RNF123: variants seen among roughly 807,000 people sequenced by gnomAD.
RNF123 encodes the protein ring finger protein 123, also known as E3 ubiquitin-protein ligase RNF123.
In RNF123, 86 loss-of-function variants were observed where a neutral mutation model predicts 168.5. The observed-to-expected ratio is 0.51, with a 90% confidence interval of 0.43 to 0.61. RNF123 has a LOEUF of 0.61. Ranked by LOEUF, RNF123 falls within the 20% of genes least tolerant of loss-of-function variation. The probability of loss-of-function intolerance (pLI) is 0.00; values close to 1 mark genes in which losing one functional copy is unlikely to be tolerated. For synonymous variants in RNF123, 666 were observed against 689.1 expected (o/e 0.97, Z 0.52); for missense variants, 1,419 against 1,729.7 (o/e 0.82, Z 3.19).
At chr3:49,707,038 CA>C in intron 26 of RNF123, 140 bp downstream of exon 26, 1 of 672,696 alleles carries the variant, frequency 1.5e-6, no homozygotes. Flanking sequence ...CAGACTCCAT[CA>C]CCCCATGCCA....
intron 35 of RNF123, chr3:49,719,635 G>C: frequency 1.6e-6 from 1 of 613,060 alleles, no homozygotes; most frequent in South Asian, 2.1e-5. Context: ...CAGGTTGTGA[G>C]GCGGTGCGGC....
At position 49,715,568 on chromosome 3, in the gene RNF123, C is replaced by T. The variant is rs530115899; in HGVS notation, c.3011-7C>T. Reference sequence around the variant, plus strand: ...CCCTGATGATGCCGCCTCCTGTCCCCCTGCAGAGCCCTGCCCTTCCACCCT... The same window carrying T: ...CCCTGATGATGCCGCCTCCTGTCCCTCTGCAGAGCCCTGCCCTTCCACCCT... On this transcript the variant is annotated splice_polypyrimidine_tract_variant and splice_region_variant and intron_variant, in intron 31 of 38. Coordinates refer to ENST00000327697, the MANE Select transcript of RNF123 (RefSeq NM_022064.5). 6.2e-7 allele frequency: 1 copy of T among 1,613,776 alleles called. No individual in the cohort carries two copies. Among genetic ancestry groups the T allele is most frequent in the Non-Finnish European group, 8.5e-7 (1 of 1,179,888 alleles).
In RNF123 at chr3:49,705,581, G is replaced by C. The variant is rs199576148; in HGVS notation, c.2206G>C (p.Glu736Gln). Residue 736 changes from glutamate (E) to glutamine (Q), a missense_variant, in exon 24 of 39, where the codon GAG becomes CAG. By Grantham distance (29) the Glu-to-Gln change is conservative. Around this residue, in one of 5 missense-constraint regions of RNF123, gnomAD observed 538 missense variants for 708.8 expected, o/e 0.76. Coordinates refer to ENST00000327697, the MANE Select transcript of RNF123 (RefSeq NM_022064.5). The stretch of plus-strand genomic sequence containing the variant: ...GGGCTTGCTGCTGGGGCGGCCCCCC[G>C]AGGAGCCTGAGCAGCCCCTCACCGA... ...NEGLLLGRPPEEPEQPLTENS... is the reference protein window; with the variant it reads ...NEGLLLGRPPQEPEQPLTENS... 4.3e-6 allele frequency: 7 copies of C among 1,610,830 alleles called. No individual in the cohort carries two copies. The highest frequency in any genetic ancestry group is 5.9e-6 in the Non-Finnish European group (7 of 1,178,844).
rs1212452284 is a variant in RNF123, at chr3:49,715,604, C to T, written c.3040C>T (p.His1014Tyr). Reference sequence around the variant, plus strand: ...CTGCCCTTCCACCCTGCTGCAGCAGCACATGGCGGACCTCCTACAGCAGGG... The same window carrying T: ...CTGCCCTTCCACCCTGCTGCAGCAGTACATGGCGGACCTCCTACAGCAGGG... ...KPCPSTLLQQHMADLLQQGPD... is the reference protein window; with the variant it reads ...KPCPSTLLQQYMADLLQQGPD... The change falls in exon 32 of 39, where the codon CAC becomes TAC. Residue 1014 changes from histidine to tyrosine, a missense_variant. Coordinates refer to ENST00000327697, the MANE Select transcript of RNF123 (RefSeq NM_022064.5). The T allele has an allele frequency of 6.2e-7, 1 of 1,614,006 alleles. No individual in the cohort carries two copies. The highest frequency in any genetic ancestry group is 1.3e-5 in the African/African-American group (1 of 74,938).
rs2080222772 is a variant in RNF123, at chr3:49,715,506, G to A, written c.3011-69G>A. ...TTATACCAAAGCCTCAATGGGCGAG[G>A]ACAGAGGCAAACAGGCAGAGGCCAC... On this transcript the variant is annotated intron_variant, in intron 31 of 38. Transcript: ENST00000327697. 3.0e-5 allele frequency: 47 copies of A among 1,591,862 alleles called. No homozygotes were observed. The South Asian group carries it at 5.1e-4, about 17-fold the overall frequency.
At chr3:49,701,264 G>C (rs1322369061) in intron 15 of RNF123, among the ~76,000 whole-genome samples, 4 of 152,254 alleles carry the variant, frequency 2.6e-5, no homozygotes, top group African/African-American at 9.6e-5. Flanking sequence ...CTGTTCCTGT[G>C]ACAAGCCCTT....
intron 3 of RNF123, among the ~76,000 whole-genome samples, chr3:49,692,315 C>T (rs1014770741): frequency 6.6e-6 from 1 of 152,146 alleles, no homozygotes; most frequent in African/African-American, 2.4e-5. Context: ...TGATTCTTTT[C>T]TGTTTCTTTC....
chr3:49,705,576 C>A lies in RNF123; in HGVS notation c.2201C>A (p.Pro734His). The A allele has an allele frequency of 1.9e-6, 3 of 1,610,084 alleles. No individual in the cohort carries two copies. The highest frequency in any genetic ancestry group is 2.5e-6 in the Non-Finnish European group (3 of 1,178,322). ...AATGAGGGCTTGCTGCTGGGGCGGC[C>A]CCCCGAGGAGCCTGAGCAGCCCCTC... ...HWNEGLLLGR[P>H]PEEPEQPLTE... Residue 734 changes from proline to histidine, a missense_variant, in exon 24 of 39, where the codon CCC becomes CAC. Physicochemically the swap from Pro to His is moderately conservative, Grantham distance 77. Coordinates refer to ENST00000327697, the MANE Select transcript of RNF123 (RefSeq NM_022064.5).
At chr3:49,690,856 T>A (rs1362742701) in intron 1 of RNF123, among the ~76,000 whole-genome samples, 1 of 152,194 alleles carries the variant, frequency 6.6e-6, no homozygotes, top group East Asian at 1.9e-4. Context: ...TTGTTATGGT[T>A]CGGCAAAAAT....
At chr3:49,717,193 T>C (rs2108202090) in intron 35 of RNF123, 1 of 153,466 alleles carries the variant, frequency 6.5e-6, no homozygotes, top group South Asian at 2.0e-4. Flanking sequence ...CAGAATGGGC[T>C]CTGCCTTCAG....
At chr3:49,697,573 G>A (rs1368108828) in intron 5 of RNF123, 116 bp downstream of exon 5, 1 of 806,322 alleles carries the variant, frequency 1.2e-6, no homozygotes, top group Non-Finnish European at 2.0e-6. Flanking sequence ...GCCAAAACTT[G>A]TCCTGACGTG....
chr3:49,707,969 T>C (rs886367591), intron 26 of RNF123, among the ~76,000 whole-genome samples: 1 of 152,074 alleles, frequency 6.6e-6, no homozygotes, highest in Non-Finnish European at 1.5e-5. Flanking sequence ...ATCCTAGCTG[T>C]GTTTTTTTTG....
chr3:49,697,345 C>T lies in RNF123; in HGVS notation c.248-18C>T. On this transcript the variant is annotated intron_variant, in intron 4 of 38. Transcript: ENST00000327697. Reference sequence around the variant, plus strand: ...TCAAATGCTCCACCCTGCCTGACCCCACCTCTCCTCTTTTCAGGACAGGTT... The same window carrying T: ...TCAAATGCTCCACCCTGCCTGACCCTACCTCTCCTCTTTTCAGGACAGGTT... 6.2e-7 allele frequency: 1 copy of T among 1,603,898 alleles called. No individual in the cohort carries two copies. Among genetic ancestry groups the T allele is most frequent in the Non-Finnish European group, 8.5e-7 (1 of 1,172,566 alleles).
At chr3:49,691,399 T>C (rs775156773) in intron 2 of RNF123, 26 bp from the exon 3 acceptor site, 3 of 1,613,584 alleles carry the variant, frequency 1.9e-6, no homozygotes, top group Non-Finnish European at 8.5e-7. Flanking sequence ...ATGTGGCCCT[T>C]TTCTCCCTTC....
chr3:49,705,243 G>A lies in RNF123; in HGVS notation c.2158+61G>A, dbSNP rs1327205270. 38 of 1,535,002 alleles carry A rather than the reference G, an allele frequency of 2.5e-5. No homozygotes were observed. The Admixed American group carries it at 6.7e-4, about 27-fold the overall frequency. On this transcript the variant is annotated intron_variant, in intron 23 of 38. Coordinates refer to ENST00000327697, the MANE Select transcript of RNF123 (RefSeq NM_022064.5). ...GACCCTTCCACAGTGTACAGTCCCCGATCCGGGCAAAGCCAAAATACACCC... is the reference window on the plus strand; with the variant it reads ...GACCCTTCCACAGTGTACAGTCCCCAATCCGGGCAAAGCCAAAATACACCC...
chr3:49,698,651 C>A, intron 8 of RNF123, 104 bp from the exon 9 acceptor site: 1 of 1,538,692 alleles, frequency 6.5e-7, no homozygotes, highest in East Asian at 2.3e-5. Context: ...GTCCTTTGTC[C>A]TTGTGGCTAG....
chr3:49,709,879 GTTGTTTAATTTT>G (rs1287676679), intron 26 of RNF123, among the ~76,000 whole-genome samples: 2 of 149,548 alleles, frequency 1.3e-5, no homozygotes, highest in African/African-American at 2.5e-5. Flanking sequence ...GGCCAATTCT[GTTGTTTAATTTT>G]TTGGAAACTA....
In RNF123 at chr3:49,716,419, A is replaced by C; in HGVS notation, c.3442A>C (p.Ile1148Leu). The change falls in exon 35 of 39, where the codon ATT becomes CTT. Residue 1148 changes from isoleucine to leucine, a missense_variant. Around this residue, in one of 5 missense-constraint regions of RNF123, gnomAD observed 164 missense variants for 152.3 expected, o/e 1.08. Transcript: ENST00000327697. ...PGLESVDHYPILVAVTGILVQ... is the reference protein window; with the variant it reads ...PGLESVDHYPLLVAVTGILVQ... Reference sequence around the variant, plus strand: ...CCTAGAGAGCGTGGACCACTATCCCATTCTGGTGGCAGTGACGGGCATCCT... The same window carrying C: ...CCTAGAGAGCGTGGACCACTATCCCCTTCTGGTGGCAGTGACGGGCATCCT... 1 of 1,613,880 alleles carries C rather than the reference A, an allele frequency of 6.2e-7. No individual in the cohort carries two copies. The highest frequency in any genetic ancestry group is 8.5e-7 in the Non-Finnish European group (1 of 1,179,952).
At chr3:49,706,964 G>T in intron 26 of RNF123, 66 bp downstream of exon 26, 6 of 1,372,350 alleles carry the variant, frequency 4.4e-6, no homozygotes, top group Non-Finnish European at 6.2e-6. Context: ...GCAAGATTGT[G>T]CCAGGGCCCT....
Sources: gnomAD v4.1 joint callset for allele counts (sites outside exome capture counted in the v4.1 genomes callset) on GRCh38, gnomAD v4.1.1 for gene constraint, gnomAD v4.1.1 regional missense constraint, MANE v1.5 for transcripts, NCBI Gene and HGNC (gene_info 2026-07-23, HGNC 2026-07-21) for gene names.